ADGRB1: variants seen among roughly 807,000 people sequenced by gnomAD.
ADGRB1 encodes the protein brain-specific angiogenesis inhibitor 1.
In ADGRB1, 36 loss-of-function variants were observed where a neutral mutation model predicts 175.7. The observed-to-expected ratio is 0.20, with a 90% confidence interval of 0.16 to 0.27. The LOEUF is 0.27. ADGRB1 is among the 10% of genes least tolerant of loss of function. The pLI, the probability that ADGRB1 is intolerant of heterozygous loss-of-function variation, is 1.00. For missense variants in ADGRB1, 1,731 were observed against 2,255.3 expected, an observed-to-expected ratio of 0.77 and a Z score of 4.71; for synonymous variants, 1,054 against 979.4, an observed-to-expected ratio of 1.08 and a Z score of -1.42.
intron 17 of ADGRB1, among the ~76,000 whole-genome samples, chr8:142,499,596 G>C (rs577234800): frequency 6.6e-6 from 1 of 150,686 alleles, no homozygotes; most frequent in African/African-American, 2.5e-5. Flanking sequence ...GGAGTGCCGC[G>C]GTGGGAGCGC....
chr8:142,518,945 G>A (rs951306847), intron 19 of ADGRB1, among the ~76,000 whole-genome samples: 10 of 152,196 alleles, frequency 6.6e-5, no homozygotes, highest in South Asian at 2.1e-4. Flanking sequence ...GCCGATAATC[G>A]GAACTGACTG....
In ADGRB1 at chr8:142,474,215, G is replaced by A. The variant is rs1321160661; in HGVS notation, c.785-1259G>A. Among the ~76,000 whole-genome samples the A allele has an allele frequency of 2.0e-5, 3 of 152,072 alleles. No homozygotes were observed. On this transcript the variant is annotated intron_variant, in intron 2 of 30. Transcript: ENST00000517894. The surrounding 1 kb of genome is among the most constrained non-coding windows in gnomAD (Gnocchi z 5.8). ...CTCCAAGAGGCCCTGGGGCCCTTCT[G>A]GTGGGTCGGGGTGGCCTGTGCTTGG...
intron 25 of ADGRB1, among the ~76,000 whole-genome samples, chr8:142,536,712 G>A (rs901248967): frequency 5.9e-5 from 9 of 152,048 alleles, no homozygotes; most frequent in Non-Finnish European, 1.5e-5. Context: ...CTGGCCCGAG[G>A]GCCTGCAGCA....
chr8:142,542,568 C>A lies in ADGRB1; in HGVS notation c.4334C>A (p.Pro1445His). ...APPSLGDPGE[P>H]AAHPGPSTGP... Reference sequence around the variant, plus strand: ...CCCAGCCTGGGGGATCCCGGGGAGCCTGCCGCCCATCCGGGACCCAGCACG... The same window carrying A: ...CCCAGCCTGGGGGATCCCGGGGAGCATGCCGCCCATCCGGGACCCAGCACG... Residue 1445 changes from proline (P) to histidine (H), a missense_variant, in exon 28 of 31, where the codon CCT (proline) becomes CAT (histidine). Physicochemically the swap from Pro to His is moderately conservative, Grantham distance 77. This residue lies in a region of ADGRB1 where 394 missense variants were observed against 410.2 expected (regional missense o/e 0.96). Coordinates refer to ENST00000517894, the MANE Select transcript of ADGRB1 (RefSeq NM_001702.3). This position sits in a 1 kb window ranked among gnomAD's most constrained non-coding sequence, Gnocchi z 6.3. 6.5e-7 allele frequency: 1 copy of A among 1,532,584 alleles called. No individual in the cohort carries two copies. Among genetic ancestry groups the A allele is most frequent in the Non-Finnish European group, 8.8e-7 (1 of 1,139,794 alleles). The allele number at this position is 1,532,584 out of a possible 1,614,324, so 94.9% of individuals were successfully genotyped here.
chr8:142,544,267 G>C lies in ADGRB1; in HGVS notation c.4605G>C (p.Arg1535=). The C allele has an allele frequency of 1.3e-6, 2 of 1,549,350 alleles. No homozygotes were observed. Among genetic ancestry groups the C allele is most frequent in the Non-Finnish European group, 1.7e-6 (2 of 1,146,662 alleles). Residue 1535 remains arginine, a synonymous_variant, in exon 31 of 31, where the codon CGG becomes CGC. Coordinates refer to ENST00000517894, the MANE Select transcript of ADGRB1 (RefSeq NM_001702.3). The part of the protein sequence containing the change: ...TPNKRPWESL[R]KAHGTPTWVK... ...ACAAGAGGCCCTGGGAGAGCCTCCGGAAAGCCCACGGGACGCCCACGTGGG... is the reference window on the plus strand; with the variant it reads ...ACAAGAGGCCCTGGGAGAGCCTCCGCAAAGCCCACGGGACGCCCACGTGGG...
chr8:142,535,361 A>G (rs1007311720), intron 25 of ADGRB1, among the ~76,000 whole-genome samples: 5 of 151,998 alleles, frequency 3.3e-5, no homozygotes, highest in African/African-American at 1.2e-4. Context: ...GCATGCTCCT[A>G]TGGTGGGCGG....
At chr8:142,509,152 C>T (rs187138270) in intron 17 of ADGRB1, among the ~76,000 whole-genome samples, 114 of 152,378 alleles carry the variant, frequency 7.5e-4, no homozygotes, top group Non-Finnish European at 1.2e-3. Flanking sequence ...AGTGCTGCTG[C>T]TGAGGGAGAT....
intron 3 of ADGRB1, among the ~76,000 whole-genome samples, chr8:142,475,980 C>G (rs1028623873): frequency 2.7e-5 from 4 of 148,358 alleles, no homozygotes; most frequent in Non-Finnish European, 6.1e-5. Flanking sequence ...CTGGGTGGGA[C>G]TAGTTGGGGC....
intron 12 of ADGRB1, 108 bp downstream of exon 12, chr8:142,484,153 G>T (rs750997160): frequency 1.2e-5 from 11 of 909,458 alleles, no homozygotes; most frequent in Admixed American, 2.3e-5. Context: ...GGGTGCTCTG[G>T]GTTTGGATCT....
intron 20 of ADGRB1, among the ~76,000 whole-genome samples, chr8:142,521,544 C>T: frequency 6.6e-6 from 1 of 152,258 alleles, no homozygotes; most frequent in Non-Finnish European, 1.5e-5. Context: ...GGCCCCAGGG[C>T]CTGCCATGTG....
Position 142,543,367 on chromosome 8 carries a change from C to A in ADGRB1, c.4414-36C>A, listed in dbSNP as rs1028298722. On this transcript the variant is annotated intron_variant, in intron 28 of 30. Transcript: ENST00000517894. The surrounding 1 kb of genome is among the most constrained non-coding windows in gnomAD (Gnocchi z 4.4). ...GGAGAGGCGTGGACTTGTCAGGGAC[C>A]CTTGGCGAATGTTCGCAAACCCCTT... The A allele has an allele frequency of 5.0e-6, 8 of 1,612,884 alleles. No homozygotes were observed. Among genetic ancestry groups the A allele is most frequent in the Non-Finnish European group, 6.8e-6 (8 of 1,179,404 alleles).
At chr8:142,538,397 A>G (rs1483772114) in intron 26 of ADGRB1, among the ~76,000 whole-genome samples, 8 of 152,142 alleles carry the variant, frequency 5.3e-5, no homozygotes, top group African/African-American at 1.9e-4. Flanking sequence ...CAGGCCCCTC[A>G]TGGCTCCATG....
intron 18 of ADGRB1, among the ~76,000 whole-genome samples, chr8:142,515,874 G>C (rs1242392391): frequency 6.6e-6 from 1 of 152,250 alleles, no homozygotes; most frequent in Non-Finnish European, 1.5e-5. Flanking sequence ...AGAGTTTCCT[G>C]CCGGGCACGG....
At chr8:142,531,696 T>C (rs1844632269) in intron 24 of ADGRB1, among the ~76,000 whole-genome samples, 1 of 152,170 alleles carries the variant, frequency 6.6e-6, no homozygotes, top group Non-Finnish European at 1.5e-5. Context: ...GCTCTGGGCC[T>C]GCACGTGTCC....
chr8:142,543,295 G>A lies in ADGRB1; in HGVS notation c.4414-108G>A, dbSNP rs149612732. 6.9e-7 allele frequency: 1 copy of A among 1,453,862 alleles called. No individual in the cohort carries two copies. The highest frequency in any genetic ancestry group is 9.5e-7 in the Non-Finnish European group (1 of 1,056,848). The allele number at this position is 1,453,862 out of a possible 1,614,324, so 90.1% of individuals were successfully genotyped here. ...CCCTGGGTCTGGCCTGGTCCCTGAA[G>A]GCAGGCATGGGGCGAGTGAGTCCCT... On this transcript the variant is annotated intron_variant, in intron 28 of 30. Coordinates refer to ENST00000517894, the MANE Select transcript of ADGRB1 (RefSeq NM_001702.3). This position sits in a 1 kb window ranked among gnomAD's most constrained non-coding sequence, Gnocchi z 4.4.
Position 142,464,889 on chromosome 8 carries a change from C to T in ADGRB1, c.691C>T (p.Arg231Cys). 6.6e-7 allele frequency: 1 copy of T among 1,525,284 alleles called. No homozygotes were observed. The highest frequency in any genetic ancestry group is 8.8e-7 in the Non-Finnish European group (1 of 1,141,670). 94.5% of individuals were successfully genotyped at this position (1,525,284 alleles called of 1,614,324 possible). The part of the protein sequence containing the change: ...GGPAAGPLAP[R>C]GDVCLRDAVA... ...CCCTGCCGCGGGACCCCTGGCCCCCCGCGGGGATGTCTGCTTGAGAGATGC... is the reference window on the plus strand; with the variant it reads ...CCCTGCCGCGGGACCCCTGGCCCCCTGCGGGGATGTCTGCTTGAGAGATGC... The change falls in exon 2 of 31, where the codon CGC (arginine) becomes TGC (cysteine). Residue 231 changes from arginine (R) to cysteine (C), a missense_variant. Transcript: ENST00000517894.
At chr8:142,525,496 G>A (rs1224393746) in intron 23 of ADGRB1, among the ~76,000 whole-genome samples, 1 of 152,150 alleles carries the variant, frequency 6.6e-6, no homozygotes, top group Admixed American at 6.5e-5. Context: ...GCAGGCAGTG[G>A]TCCGTCACTG....
Position 142,477,162 on chromosome 8 carries a change from C to A in ADGRB1, c.1106C>A (p.Thr369Asn). Residue 369 changes from threonine to asparagine, a missense_variant, in exon 5 of 31, where the codon ACC (threonine) becomes AAC (asparagine). By Grantham distance (65) the Thr-to-Asn change is moderately conservative. Coordinates refer to ENST00000517894, the MANE Select transcript of ADGRB1 (RefSeq NM_001702.3). ...TCCCCGTGGAGCGTGTGCTCCAGCA[C>A]CTGCGGCGAGGGCTGGCAGACCCGC... The part of the protein sequence containing the change: ...EWSPWSVCSS[T>N]CGEGWQTRTR... 2 of 1,594,138 alleles carry A rather than the reference C, an allele frequency of 1.3e-6. No individual in the cohort carries two copies. Among genetic ancestry groups the A allele is most frequent in the Non-Finnish European group, 1.7e-6 (2 of 1,177,492 alleles).
intron 22 of ADGRB1, among the ~76,000 whole-genome samples, chr8:142,523,183 G>A (rs1843956622): frequency 6.6e-6 from 1 of 152,250 alleles, no homozygotes; most frequent in African/African-American, 2.4e-5. Flanking sequence ...AGGGTCAGCT[G>A]GACCAGGTCC....
Sources: allele counts gnomAD v4.1 joint callset (sites outside exome capture counted in the v4.1 genomes callset), GRCh38; gene constraint gnomAD v4.1.1; regional missense constraint gnomAD v4.1.1; non-coding constraint Gnocchi (gnomAD v3.1); transcripts MANE v1.5; gene names NCBI Gene and HGNC (gene_info 2026-07-23, HGNC 2026-07-21).